The following MUC6 variants were observed in gnomAD, a reference collection of about 807,000 sequenced individuals.
MUC6 encodes mucin-6.
MUC6 carries 188 observed loss-of-function variants against 201.5 expected under a neutral mutation model. The observed-to-expected ratio is 0.93, with a 90% CI of 0.83 to 1.05. MUC6 has a LOEUF of 1.05. Among genes scored for constraint, MUC6 ranks in the 50% least tolerant of loss-of-function variants. The pLI, the probability that MUC6 is intolerant of heterozygous loss-of-function variation, is 0.00. For synonymous variants in MUC6, 1,228 were observed against 1,389.4 expected, an observed-to-expected ratio of 0.88 and a Z score of 2.58; for missense variants, 2,706 against 3,256.9, an observed-to-expected ratio of 0.83 and a Z score of 4.12.
At chr11:1,021,395 G>C (rs1856804438) in intron 26 of MUC6, 118 bp from the exon 27 acceptor site, 3 of 559,186 alleles carry the variant, frequency 5.4e-6, no homozygotes, top group Non-Finnish European at 8.6e-6. Context: ...TTTTGAGACA[G>C]AGTCTCGCTC....
At position 1,030,597 on chromosome 11, in the gene MUC6, G is replaced by C; in HGVS notation, c.868C>G (p.Arg290Gly). ...QCSMVGQPVR[R>G]WRSPGLCSVG... ...CAGCACAGGCCGGGGCTCCGCCAGCGGCGGACCGGCTGGCCCACCATGCTG... is the reference window on the plus strand; with the variant it reads ...CAGCACAGGCCGGGGCTCCGCCAGCCGCGGACCGGCTGGCCCACCATGCTG... The change falls in exon 7 of 33, where the codon CGC becomes GGC. Residue 290 changes from arginine to glycine, a missense_variant. By Grantham distance (125) the Arg-to-Gly change is moderately radical (BLOSUM62 -2). Coordinates refer to ENST00000421673, the MANE Select transcript of MUC6 (RefSeq NM_005961.3). 6.5e-7 allele frequency: 1 copy of C among 1,529,032 alleles called. No individual in the cohort carries two copies. Among genetic ancestry groups the C allele is most frequent in the Non-Finnish European group, 8.8e-7 (1 of 1,137,726 alleles). 94.7% of individuals were successfully genotyped at this position (1,529,032 alleles called of 1,614,324 possible). A position where few individuals can be genotyped will look rare whatever the true frequency, so the allele number is the denominator to read the frequency against.
In MUC6 at chr11:1,016,039, G is replaced by T; in HGVS notation, c.6762C>A (p.Thr2254=). The T allele has an allele frequency of 2.5e-6, 4 of 1,611,264 alleles. No homozygotes were observed. The highest frequency in any genetic ancestry group is 3.4e-6 in the Non-Finnish European group (4 of 1,178,006). ...STIAFPSTPR[T]TASTHTAPAF... Reference sequence around the variant, plus strand: ...CAGGGGCGGTGTGGGTGCTGGCCGTGGTCCTGGGCGTGGACGGAAATGCAA... The same window carrying T: ...CAGGGGCGGTGTGGGTGCTGGCCGTTGTCCTGGGCGTGGACGGAAATGCAA... Residue 2254 remains threonine, a synonymous_variant, in exon 31 of 33, where the codon ACC becomes ACA. Coordinates refer to ENST00000421673, the MANE Select transcript of MUC6 (RefSeq NM_005961.3).
chr11:1,025,416 C>T (rs1165929798), intron 22 of MUC6, 49 bp from the exon 23 acceptor site: 1 of 1,577,778 alleles, frequency 6.3e-7, no homozygotes, highest in East Asian at 2.3e-5. Flanking sequence ...CCCCCGGCCC[C>T]TGGCACAGCC....
In MUC6 at chr11:1,016,619, G is replaced by T; in HGVS notation, c.6182C>A (p.Ala2061Asp). 6.6e-7 allele frequency: 1 copy of T among 1,522,564 alleles called. No homozygotes were observed. The allele number at this position is 1,522,564 out of a possible 1,614,324, so 94.3% of individuals were successfully genotyped here. A position where few individuals can be genotyped will look rare whatever the true frequency, so the allele number is the denominator to read the frequency against. Reference sequence around the variant, plus strand: ...ACTGGTGGTCACTGTCATTGGTGGGGCTGTGTGGGTGGACCCTGTGGCCTT... The same window carrying T: ...ACTGGTGGTCACTGTCATTGGTGGGTCTGTGTGGGTGGACCCTGTGGCCTT... ...TLKATGSTHT[A>D]PPMTVTTSGT... The change falls in exon 31 of 33, where the codon GCC becomes GAC. Residue 2061 changes from alanine to aspartate, a missense_variant. Physicochemically the swap from Ala to Asp is moderately radical, Grantham distance 126 (BLOSUM62 -2). Around this residue, in one of 10 missense-constraint regions of MUC6, gnomAD observed 586 missense variants for 488.0 expected, o/e 1.20. Coordinates refer to ENST00000421673, the MANE Select transcript of MUC6 (RefSeq NM_005961.3).
At position 1,013,250 on chromosome 11, in the gene MUC6, G is replaced by A. The variant is rs1856518750; in HGVS notation, c.*206C>T. ...GCCTCAGTCCCTCTCTGCTGGCTCAGGGTCTGCAGGAGTGTGGTAGTCTGA... is the reference window on the plus strand; with the variant it reads ...GCCTCAGTCCCTCTCTGCTGGCTCAAGGTCTGCAGGAGTGTGGTAGTCTGA... On this transcript the variant is annotated 3_prime_UTR_variant, in exon 33 of 33. Coordinates refer to ENST00000421673, the MANE Select transcript of MUC6 (RefSeq NM_005961.3). The A allele has an allele frequency of 6.8e-6, 4 of 588,318 alleles. No homozygotes were observed. The highest frequency in any genetic ancestry group is 1.2e-5 in the Non-Finnish European group (4 of 335,584). 36.4% of individuals were successfully genotyped at this position (588,318 alleles called of 1,614,324 possible). A position where few individuals can be genotyped will look rare whatever the true frequency, so the allele number is the denominator to read the frequency against.
chr11:1,015,545 C>T lies in MUC6; in HGVS notation c.7039+217G>A, dbSNP rs181579068. 2.3e-4 allele frequency among the ~76,000 whole-genome samples: 35 copies of T among 152,162 alleles called. 1 individual carries two copies. The highest frequency in any genetic ancestry group is 2.0e-3 in the Admixed American group (31 of 15,298). On this transcript the variant is annotated intron_variant, in intron 31 of 32. Transcript: ENST00000421673. Reference sequence around the variant, plus strand: ...AGGTTAGCTGGGGAACAAGGCCCAACGGGGAGGCCAGGCACTTGCTTGGCC... The same window carrying T: ...AGGTTAGCTGGGGAACAAGGCCCAATGGGGAGGCCAGGCACTTGCTTGGCC...
rs1340718441 is a variant in MUC6 at position 1,026,408 on chromosome 11, A to G, written c.2465T>C (p.Val822Ala). ...CTCACATGGGCACTCCTCGGGGGGC[A>G]CACACTGCCCGTCGGCATTCTCGTA... ...GLYENADGQC[V>A]PPEECPCEFS... is the part of the protein sequence containing the mutation. Residue 822 changes from valine (V) to alanine (A), a missense_variant, in exon 20 of 33, where the codon GTG (valine) becomes GCG (alanine). Around this residue, in one of 10 missense-constraint regions of MUC6, gnomAD observed 1,850 missense variants for 1,958.3 expected, o/e 0.94. Transcript: ENST00000421673. 3 of 1,608,388 alleles carry G rather than the reference A, an allele frequency of 1.9e-6. No homozygotes were observed. Among genetic ancestry groups the G allele is most frequent in the South Asian group, 1.1e-5 (1 of 90,712 alleles).
At chr11:1,030,181 C>T (rs773067509) in intron 8 of MUC6, 32 bp downstream of exon 8, 66 of 1,542,988 alleles carry the variant, frequency 4.3e-5, no homozygotes, top group African/African-American at 1.4e-4. Context: ...CTAGGGGTCC[C>T]GGGGAGAGAG....
At chr11:1,030,366 T>TACCCCCCC in intron 7 of MUC6, 31 bp from the exon 8 acceptor site, 9 of 1,489,582 alleles carry the variant, frequency 6.0e-6, no homozygotes, top group Admixed American at 2.0e-5. Flanking sequence ...GGTGAGAGGG[T>TACCCCCCC]CCCACCCCCC....
At chr11:1,029,860 C>G (rs1344735976) in intron 8 of MUC6, among the ~76,000 whole-genome samples, 1 of 152,244 alleles carries the variant, frequency 6.6e-6, no homozygotes, top group Non-Finnish European at 1.5e-5. Flanking sequence ...CACAGCCCCT[C>G]GTGCCAATGT....
At chr11:1,028,829 C>T in intron 12 of MUC6, 46 bp from the exon 13 acceptor site, 1 of 1,609,274 alleles carries the variant, frequency 6.2e-7, no homozygotes, top group Non-Finnish European at 8.5e-7. Flanking sequence ...CCCTCCCCAC[C>T]CACTGCAGCC....
At chr11:1,035,773 A>G (rs1857202787) in intron 1 of MUC6, among the ~76,000 whole-genome samples, 1 of 152,024 alleles carries the variant, frequency 6.6e-6, no homozygotes, top group Admixed American at 6.5e-5. Flanking sequence ...CGTCCACCCC[A>G]GGGGGCTCCC....
chr11:1,035,801 G>A (rs1205561546), intron 1 of MUC6, among the ~76,000 whole-genome samples: 4 of 152,244 alleles, frequency 2.6e-5, no homozygotes, highest in South Asian at 2.1e-4. Context: ...GAGGAGGGTC[G>A]GGCCAGCTTG....
chr11:1,021,135 C>A, intron 27 of MUC6, 80 bp downstream of exon 27: 2 of 1,363,186 alleles, frequency 1.5e-6, no homozygotes, highest in Non-Finnish European at 2.0e-6. Context: ...GGGCTCTCTC[C>A]CTTGTTTGTG....
chr11:1,030,902 C>G (rs1446714896), intron 6 of MUC6, 45 bp downstream of exon 6: 1 of 1,540,390 alleles, frequency 6.5e-7, no homozygotes, highest in African/African-American at 1.4e-5. Flanking sequence ...TCTCGGCGAC[C>G]CTGTCAGACC....
chr11:1,024,786 C>A, intron 24 of MUC6, 58 bp downstream of exon 24: 1 of 1,567,482 alleles, frequency 6.4e-7, no homozygotes. Context: ...CCCCTTCCCC[C>A]GCCCCCACCG....
chr11:1,028,474 C>G (rs1021718799), intron 13 of MUC6, 87 bp from the exon 14 acceptor site: 3 of 1,557,118 alleles, frequency 1.9e-6, no homozygotes, highest in Non-Finnish European at 2.6e-6. Flanking sequence ...CGTCCTTCCT[C>G]TAACAGCACC....
chr11:1,014,210 AGTCG>A (rs1856549382), intron 31 of MUC6, among the ~76,000 whole-genome samples: 1 of 152,204 alleles, frequency 6.6e-6, no homozygotes, highest in Admixed American at 6.5e-5. Flanking sequence ...TTCCCCTCAA[AGTCG>A]CTCTGCTGGA....
At chr11:1,023,914 C>G in intron 25 of MUC6, 33 bp downstream of exon 25, 2 of 1,605,084 alleles carry the variant, frequency 1.2e-6, no homozygotes, top group South Asian at 2.2e-5. Context: ...GTGGCAGGGG[C>G]TGGAGCAACC....
Sources: allele counts gnomAD v4.1 joint callset (sites outside exome capture counted in the v4.1 genomes callset), GRCh38; gene constraint gnomAD v4.1.1; regional missense constraint gnomAD v4.1.1; transcripts MANE v1.5; gene names NCBI Gene and HGNC (gene_info 2026-07-23, HGNC 2026-07-21).